Variants in POLE observed in about 807,000 individuals in gnomAD.
POLE encodes DNA polymerase epsilon, catalytic subunit.
Under a neutral mutation model 279.2 loss-of-function variants are expected in POLE, and 188 were observed. The observed-to-expected ratio is 0.67, with a 90% CI of 0.60 to 0.76. The LOEUF (loss-of-function observed/expected upper bound fraction) is 0.76, where lower values mean the gene tolerates loss of function less well. POLE is among the 30% of genes least tolerant of loss of function. The pLI is 0.00. For synonymous variants in POLE, 1,214 were observed against 1,172.5 expected (o/e 1.04, Z -0.72); for missense variants, 2,703 against 3,016.7 (o/e 0.90, Z 2.44).
chr12:132,624,345 G>C lies in POLE; in HGVS notation c.*352C>G. On this transcript the variant is annotated 3_prime_UTR_variant, in exon 49 of 49. Transcript: ENST00000320574. Reference sequence around the variant, plus strand: ...CTCTGGGAGGCAGGACAAAGAACTAGGGGCACCTAGAGGACGCTCCCACCC... The same window carrying C: ...CTCTGGGAGGCAGGACAAAGAACTACGGGCACCTAGAGGACGCTCCCACCC... 1 of 376,674 alleles carries C rather than the reference G, an allele frequency of 2.7e-6. No homozygotes were observed. The highest frequency in any genetic ancestry group is 3.6e-5 in the South Asian group (1 of 27,946). 23.3% of individuals were successfully genotyped at this position (376,674 alleles called of 1,614,324 possible). A position where few individuals can be genotyped will look rare whatever the true frequency, so the allele number is the denominator to read the frequency against.
chr12:132,679,701 A>G lies in POLE; in HGVS notation c.424-50T>C, dbSNP rs1205301176. ...ATTGGTTCAAGAGAAATAGGACTTT[A>G]TGGGTGAGAGGGTAAACACTCAAAG... On this transcript the variant is annotated intron_variant, in intron 5 of 48. Transcript: ENST00000320574. The G allele has an allele frequency of 1.7e-5, 27 of 1,576,200 alleles. No individual in the cohort carries two copies. The highest frequency in any genetic ancestry group is 2.3e-5 in the Non-Finnish European group (26 of 1,150,968).
At position 132,625,636 on chromosome 12, in the gene POLE, A is replaced by G. The variant is rs375333174; in HGVS notation, c.6657+9T>C. Reference sequence around the variant, plus strand: ...CAGGGCACACGGGCAGGCGGCATGCACGACTCACCAGGTCCTGCAGGGTGA... The same window carrying G: ...CAGGGCACACGGGCAGGCGGCATGCGCGACTCACCAGGTCCTGCAGGGTGA... On this transcript the variant is annotated intron_variant, in intron 47 of 48. Coordinates refer to ENST00000320574, the MANE Select transcript of POLE (RefSeq NM_006231.4). The G allele has an allele frequency of 1.0e-4, 161 of 1,612,996 alleles. No homozygotes were observed. The highest frequency in any genetic ancestry group is 1.2e-4 in the Non-Finnish European group (141 of 1,179,980).
At chr12:132,632,139 A>G (rs2041944930) in intron 45 of POLE, among the ~76,000 whole-genome samples, 176 bp downstream of exon 45, 1 of 152,142 alleles carries the variant, frequency 6.6e-6, no homozygotes, top group Admixed American at 6.5e-5. Context: ...TGAAAGCCTC[A>G]TCCTGCATTC....
At position 132,680,629 on chromosome 12, in the gene POLE, T is replaced by C. The variant is rs1343832345; in HGVS notation, c.263A>G (p.Gln88Arg). 1 of 1,614,024 alleles carries C rather than the reference T, an allele frequency of 6.2e-7. No homozygotes were observed. Reference sequence around the variant, plus strand: ...TACCTTAAATCTGCTTCCGTCATCTTGAATAAAGTAGTAATCCACTGCACT... The same window carrying C: ...TACCTTAAATCTGCTTCCGTCATCTCGAATAAAGTAGTAATCCACTGCACT... ...LGSAVDYYFI[Q>R]DDGSRFKVAL... is the part of the protein sequence containing the mutation. The change falls in exon 3 of 49, where the codon CAA becomes CGA. Residue 88 changes from glutamine (Q) to arginine (R), a missense_variant. Coordinates refer to ENST00000320574, the MANE Select transcript of POLE (RefSeq NM_006231.4).
Position 132,667,597 on chromosome 12 carries a change from C to T in POLE, c.2225G>A (p.Arg742His), listed in dbSNP as rs116360781. 8.1e-6 allele frequency: 13 copies of T among 1,614,156 alleles called. No homozygotes were observed. Among genetic ancestry groups the T allele is most frequent in the African/African-American group, 4.0e-5 (3 of 75,050 alleles). Residue 742 changes from arginine to histidine, a missense_variant, in exon 20 of 49, where the codon CGT (arginine) becomes CAT (histidine). This residue lies in a region of POLE where 1,011 missense variants were observed against 1,111.7 expected (regional missense o/e 0.91). Coordinates refer to ENST00000320574, the MANE Select transcript of POLE (RefSeq NM_006231.4). ...TTCCCGCTGGCAGATGGTGGTGAGA[C>T]GCTCTTCCACCTTGGTGATGTGGAT... ...KKIHITKVEERLTTICQRENS... is the reference protein window; with the variant it reads ...KKIHITKVEEHLTTICQRENS...
intron 27 of POLE, 33 bp from the exon 28 acceptor site, chr12:132,657,462 C>A: frequency 6.3e-7 from 1 of 1,587,338 alleles, no homozygotes; most frequent in South Asian, 1.1e-5. Flanking sequence ...CAGAGAACAG[C>A]AGGTGGCAGC....
intron 43 of POLE, 78 bp from the exon 44 acceptor site, chr12:132,632,873 G>A (rs2138466217): frequency 6.8e-7 from 1 of 1,467,084 alleles, no homozygotes; most frequent in Non-Finnish European, 9.1e-7. Context: ...ACCCATGGCT[G>A]GTCAGATTGC....
At chr12:132,625,363 C>T (rs879925901) in intron 47 of POLE, 3 of 732,460 alleles carry the variant, frequency 4.1e-6, no homozygotes, top group Non-Finnish European at 7.6e-6. Context: ...CCGAGCTGTG[C>T]AACTCCCTCT....
At chr12:132,652,769 C>T (rs546023017) in intron 29 of POLE, among the ~76,000 whole-genome samples, 3 of 152,202 alleles carry the variant, frequency 2.0e-5, no homozygotes, top group Non-Finnish European at 4.4e-5. Flanking sequence ...TGTTTCTAGG[C>T]TCCCAATCGG....
chr12:132,663,785 TAAA>T (rs1404609145), intron 23 of POLE, among the ~76,000 whole-genome samples: 1 of 152,126 alleles, frequency 6.6e-6, no homozygotes, highest in Non-Finnish European at 1.5e-5. Context: ...TATTTCAAAA[TAAA>T]AAGTTAAAAG....
chr12:132,648,510 A>T (rs939568843), intron 32 of POLE: 1 of 155,406 alleles, frequency 6.4e-6, no homozygotes, highest in Non-Finnish European at 1.4e-5. Context: ...TAAAAAAAAG[A>T]AAAAAAAAGA....
rs768997534 is a variant in POLE at position 132,679,559 on chromosome 12, A to C, written c.516T>G (p.Pro172=). Residue 172 remains proline, a synonymous_variant, in exon 6 of 49, where the codon CCT becomes CCG. Coordinates refer to ENST00000320574, the MANE Select transcript of POLE (RefSeq NM_006231.4). ...CCTGCTCCCTGTTCTTCTTCACGGCAGGGGAGATCTCCTTCCTCACTTTGA... is the reference window on the plus strand; with the variant it reads ...CCTGCTCCCTGTTCTTCTTCACGGCCGGGGAGATCTCCTTCCTCACTTTGA... ...DLVKVRKEIS[P]AVKKNREQDH... is the part of the protein sequence containing the mutation. 3 of 1,613,988 alleles carry C rather than the reference A, an allele frequency of 1.9e-6. No individual in the cohort carries two copies. The highest frequency in any genetic ancestry group is 1.1e-5 in the South Asian group (1 of 91,090).
intron 29 of POLE, among the ~76,000 whole-genome samples, chr12:132,653,209 G>A (rs908590232): frequency 6.6e-6 from 1 of 152,150 alleles, no homozygotes; most frequent in Non-Finnish European, 1.5e-5. Context: ...GTGAGACCCA[G>A]CCTCTACAAA....
In POLE at chr12:132,675,333, G is replaced by C. The variant is rs918471667; in HGVS notation, c.1226+65C>G. ...ATGAGATGTGGTGACAGCACAGTCTGCAAGAGGCCTTCAGATCTCGCTCAC... is the reference window on the plus strand; with the variant it reads ...ATGAGATGTGGTGACAGCACAGTCTCCAAGAGGCCTTCAGATCTCGCTCAC... On this transcript the variant is annotated intron_variant, in intron 12 of 48. Coordinates refer to ENST00000320574, the MANE Select transcript of POLE (RefSeq NM_006231.4). The surrounding 1 kb of genome is among the most constrained non-coding windows in gnomAD (Gnocchi z 4.3). 1 of 1,579,392 alleles carries C rather than the reference G, an allele frequency of 6.3e-7. No individual in the cohort carries two copies. Among genetic ancestry groups the C allele is most frequent in the Non-Finnish European group, 8.6e-7 (1 of 1,161,896 alleles).
chr12:132,682,868 G>T (rs549234346), intron 1 of POLE, among the ~76,000 whole-genome samples: 1 of 152,012 alleles, frequency 6.6e-6, no homozygotes, highest in East Asian at 1.9e-4. Flanking sequence ...CAGGAGAATG[G>T]CGTGAATCCA....
intron 45 of POLE, among the ~76,000 whole-genome samples, chr12:132,627,019 G>A (rs11610985): frequency 2.0e-5 from 3 of 152,328 alleles, no homozygotes; most frequent in African/African-American, 2.4e-5. Context: ...GGTGGCTCAC[G>A]CCTGTAATCC....
Position 132,634,164 on chromosome 12 carries a change from CAGCCCTG to C in POLE, c.6004+15_6004+21del, listed in dbSNP as rs756479794. 1 of 1,589,484 alleles carries C rather than the reference CAGCCCTG, an allele frequency of 6.3e-7. No individual in the cohort carries two copies. The highest frequency in any genetic ancestry group is 1.3e-5 in the African/African-American group (1 of 74,632). On this transcript the variant is annotated intron_variant, in intron 43 of 48. Transcript: ENST00000320574. The surrounding 1 kb of genome is among the most constrained non-coding windows in gnomAD (Gnocchi z 4.0). ...ATGAGTCCCTTCAGTGGGGGCTGCG[CAGCCCTG>C]GGCTCTGGGCTTACCTGAAACAATC...
Position 132,677,721 on chromosome 12 carries a change from T to G in POLE, c.579-2A>C. ...ATGACACCGCCCCTCTGCAGAACAC[T>G]AGGAATTAACAAGAGAGCAACTAAC... On this transcript the variant is annotated splice_acceptor_variant, in intron 6 of 48. Transcript: ENST00000320574. LOFTEE classifies it high-confidence loss of function. 1 of 1,613,684 alleles carries G rather than the reference T, an allele frequency of 6.2e-7. No homozygotes were observed. The highest frequency in any genetic ancestry group is 8.5e-7 in the Non-Finnish European group (1 of 1,179,778).
chr12:132,657,038 CAG>C lies in POLE; in HGVS notation c.3582+96_3582+97del. 3.8e-6 allele frequency: 5 copies of C among 1,331,886 alleles called. No individual in the cohort carries two copies. In the South Asian group the frequency reaches 6.4e-5, roughly 17 times the overall value. The allele number at this position is 1,331,886 out of a possible 1,614,324, so 82.5% of individuals were successfully genotyped here. Reference sequence around the variant, plus strand: ...AAAAAGTCCATTTTCGATGCTTGAACAGAAGCTTCACTACAGCACACACAGCA... The same window carrying C: ...AAAAAGTCCATTTTCGATGCTTGAACAAGCTTCACTACAGCACACACAGCA... On this transcript the variant is annotated intron_variant, in intron 29 of 48. Transcript: ENST00000320574.
Sources: gnomAD v4.1 joint callset for allele counts (sites outside exome capture counted in the v4.1 genomes callset) on GRCh38, gnomAD v4.1.1 for gene constraint, gnomAD v4.1.1 regional missense constraint, Gnocchi (gnomAD v3.1) non-coding constraint, MANE v1.5 for transcripts, NCBI Gene and HGNC (gene_info 2026-07-23, HGNC 2026-07-21) for gene names.